The following AOPEP variants were observed in gnomAD, a reference collection of about 807,000 sequenced individuals.
AOPEP encodes aminopeptidase O (putative).
Under a neutral mutation model 98.1 loss-of-function variants are expected in AOPEP, and 77 were observed. The observed-to-expected ratio is 0.78, with a 90% confidence interval of 0.65 to 0.95. The LOEUF (loss-of-function observed/expected upper bound fraction) is 0.95, where lower values mean the gene tolerates loss of function less well. AOPEP is among the 40% of genes least tolerant of loss of function. AOPEP has a pLI of 0.00. For missense variants in AOPEP, 1,024 were observed against 1,024.7 expected (o/e 1.00, Z 0.01); for synonymous variants, 346 against 365.3 (o/e 0.95, Z 0.60).
chr9:95,089,726 A>G (rs1006105979), downstream of AOPEP, among the ~76,000 whole-genome samples: 2 of 152,174 alleles, frequency 1.3e-5, no homozygotes, highest in African/African-American at 4.8e-5. Context: ...TGGAAACCTG[A>G]ACTTGAATCC....
chr9:94,799,399 CT>C (rs1359086359), intron 4 of AOPEP, among the ~76,000 whole-genome samples: 1 of 148,180 alleles, frequency 6.7e-6, no homozygotes, highest in Non-Finnish European at 1.5e-5. Context: ...CAGACCCCAT[CT>C]CTTAAAAAAA....
chr9:95,108,909 CTTTT>C, the AOPEP span, among the ~76,000 whole-genome samples: 1 of 144,322 alleles, frequency 6.9e-6, no homozygotes, highest in Non-Finnish European at 1.5e-5. Context: ...TCTTCAAGAC[CTTTT>C]TTTTTTTTTG....
intron 14 of AOPEP, among the ~76,000 whole-genome samples, chr9:95,069,490 A>C (rs1187756021): frequency 6.6e-6 from 1 of 152,260 alleles, no homozygotes; most frequent in Non-Finnish European, 1.5e-5. Context: ...GTATGGAAGG[A>C]AGGCAAACTG....
chr9:95,022,753 G>GT (rs1317967541), intron 13 of AOPEP, among the ~76,000 whole-genome samples: 1 of 152,202 alleles, frequency 6.6e-6, no homozygotes, highest in Non-Finnish European at 1.5e-5. Flanking sequence ...TGTTGAGAGT[G>GT]TTTTACTTCC....
At chr9:95,136,515 C>T in the AOPEP span, among the ~76,000 whole-genome samples, 5 of 152,022 alleles carry the variant, frequency 3.3e-5, no homozygotes, top group South Asian at 4.2e-4. Flanking sequence ...GATGCAAAGT[C>T]GTGCTCTCTC....
At chr9:95,002,098 G>A (rs1388885214) in intron 11 of AOPEP, among the ~76,000 whole-genome samples, 1 of 152,040 alleles carries the variant, frequency 6.6e-6, no homozygotes, top group Non-Finnish European at 1.5e-5. Context: ...AGTTACCCTG[G>A]CAATATAACT....
intron 13 of AOPEP, among the ~76,000 whole-genome samples, chr9:95,046,711 A>G (rs187542759): frequency 7.9e-5 from 12 of 152,310 alleles, no homozygotes; most frequent in Admixed American, 5.9e-4. Flanking sequence ...TTTTCTCCCT[A>G]GGTTCTCAGT....
chr9:95,089,198 C>G (rs2070832412), downstream of AOPEP, among the ~76,000 whole-genome samples: 1 of 152,220 alleles, frequency 6.6e-6, no homozygotes, highest in African/African-American at 2.4e-5. Flanking sequence ...CCTCTAGATT[C>G]CAGCCTGAGA....
intron 13 of AOPEP, among the ~76,000 whole-genome samples, chr9:95,044,521 A>G (rs2065658433): frequency 6.6e-6 from 1 of 152,198 alleles, no homozygotes; most frequent in African/African-American, 2.4e-5. Flanking sequence ...GTGAAAATGA[A>G]TGAGAGTAAA....
At chr9:94,934,315 C>CTTTTTTTTTTT (rs974551445) in intron 7 of AOPEP, among the ~76,000 whole-genome samples, 19 of 116,728 alleles carry the variant, frequency 1.6e-4, no homozygotes, top group African/African-American at 7.1e-4. Context: ...CTTCTCCCAT[C>CTTTTTTTTTTT]TTTTTTTTTT....
chr9:94,957,046 C>T (rs2058507238), intron 9 of AOPEP, among the ~76,000 whole-genome samples: 1 of 152,182 alleles, frequency 6.6e-6, no homozygotes, highest in Non-Finnish European at 1.5e-5. Flanking sequence ...CTGATTAGTA[C>T]AAATTCCTAC....
intron 11 of AOPEP, among the ~76,000 whole-genome samples, chr9:95,001,711 T>A (rs1246202853): frequency 6.6e-6 from 1 of 152,240 alleles, no homozygotes; most frequent in Non-Finnish European, 1.5e-5. Flanking sequence ...AATATAATTT[T>A]AGTGATTCAT....
At chr9:95,097,780 G>A in the AOPEP span, among the ~76,000 whole-genome samples, 1 of 152,196 alleles carries the variant, frequency 6.6e-6, no homozygotes, top group Non-Finnish European at 1.5e-5. Flanking sequence ...GGCTTGAGGG[G>A]TGTGATTTGG....
the AOPEP span, among the ~76,000 whole-genome samples, chr9:95,129,996 C>G: frequency 5.9e-5 from 9 of 152,246 alleles, no homozygotes; most frequent in South Asian, 1.7e-3. Context: ...CTTCATCCCT[C>G]AAAACACAAG....
intron 5 of AOPEP, among the ~76,000 whole-genome samples, chr9:94,849,594 C>T (rs778332876): frequency 3.4e-5 from 5 of 148,640 alleles, no homozygotes; most frequent in Non-Finnish European, 5.9e-5. Flanking sequence ...TTGTGGAAGA[C>T]AGTTTTTCCA....
chr9:94,836,220 A>C (rs553603754), intron 5 of AOPEP, among the ~76,000 whole-genome samples: 17 of 152,152 alleles, frequency 1.1e-4, no homozygotes, highest in Non-Finnish European at 1.9e-4. Flanking sequence ...TGTGAACATA[A>C]ATTTTTACTT....
the AOPEP span, among the ~76,000 whole-genome samples, chr9:95,104,101 G>T: frequency 6.6e-6 from 1 of 151,950 alleles, no homozygotes; most frequent in East Asian, 1.9e-4. Flanking sequence ...AAGCAGACCC[G>T]GCTCTTTCCA....
intron 15 of AOPEP, among the ~76,000 whole-genome samples, chr9:95,081,876 G>T (rs1284963092): frequency 1.3e-5 from 2 of 152,084 alleles, no homozygotes; most frequent in African/African-American, 2.4e-5. Context: ...TGTAACTCGT[G>T]GCATAACTAA....
chr9:95,033,329 C>T (rs909419067), intron 13 of AOPEP, among the ~76,000 whole-genome samples: 1 of 152,190 alleles, frequency 6.6e-6, no homozygotes, highest in African/African-American at 2.4e-5. Context: ...ATGCTCCTCT[C>T]TTACCCCCTA....
Sources: gnomAD v4.1 joint callset for allele counts (sites outside exome capture counted in the v4.1 genomes callset) on GRCh38, gnomAD v4.1.1 for gene constraint, MANE v1.5 for transcripts, NCBI Gene and HGNC (gene_info 2026-07-23, HGNC 2026-07-21) for gene names.